Variants in SCN3A observed in about 807,000 individuals in gnomAD.
The protein encoded by SCN3A is sodium channel protein type 3 subunit alpha.
SCN3A carries 60 observed loss-of-function variants against 187.6 expected under a neutral mutation model. That is an observed-to-expected ratio of 0.32 (90% CI 0.26 to 0.40). The LOEUF is 0.40. SCN3A is among the 10% of genes least tolerant of loss of function. SCN3A has a pLI of 1.00. For synonymous variants in SCN3A, 788 were observed against 829.2 expected (o/e 0.95, Z 0.85); for missense variants, 1,601 against 2,428.2 (o/e 0.66, Z 7.16).
Position 165,176,395 on chromosome 2 carries a change from C to A in SCN3A, c.-1G>T. The A allele has an allele frequency of 6.2e-7, 1 of 1,614,050 alleles. No individual in the cohort carries two copies. The highest frequency in any genetic ancestry group is 1.1e-5 in the South Asian group (1 of 91,088). On this transcript the variant is annotated 5_prime_UTR_variant, in exon 3 of 28. Transcript: ENST00000283254. ...GGGGTACCAACAGTGCCTGTGCCATCTTTTCATCCTGCACATTTAATTACG... is the reference window on the plus strand; with the variant it reads ...GGGGTACCAACAGTGCCTGTGCCATATTTTCATCCTGCACATTTAATTACG...
intron 1 of SCN3A, among the ~76,000 whole-genome samples, chr2:165,190,491 A>C (rs1691521441): frequency 6.7e-6 from 1 of 148,280 alleles, no homozygotes; most frequent in Admixed American, 6.7e-5. Flanking sequence ...CTATTGCACA[A>C]AGATATATAT....
At chr2:165,099,921 A>G (rs1443260669) in intron 22 of SCN3A, among the ~76,000 whole-genome samples, 1 of 152,248 alleles carries the variant, frequency 6.6e-6, no homozygotes, top group Non-Finnish European at 1.5e-5. Flanking sequence ...ATTCATTGCC[A>G]GTAATTTTGA....
chr2:165,171,251 T>TG (rs1690085568), intron 3 of SCN3A, among the ~76,000 whole-genome samples: 1 of 152,034 alleles, frequency 6.6e-6, no homozygotes, highest in South Asian at 2.1e-4. Flanking sequence ...AGAGTCATCT[T>TG]TGCTATGGCC....
intron 9 of SCN3A, 106 bp downstream of exon 9, chr2:165,162,202 T>A (rs1689440450): frequency 9.7e-7 from 1 of 1,035,410 alleles, no homozygotes. Context: ...CTGCTCTTTA[T>A]TGCATACATG....
chr2:165,158,913 A>G (rs1180869700), intron 9 of SCN3A, among the ~76,000 whole-genome samples: 2 of 138,052 alleles, frequency 1.4e-5, no homozygotes, highest in Non-Finnish European at 3.0e-5. Flanking sequence ...ATTCACATGC[A>G]GGTTTTTTGT....
At chr2:165,098,008 G>A (rs573322438) in intron 22 of SCN3A, among the ~76,000 whole-genome samples, 2 of 152,228 alleles carry the variant, frequency 1.3e-5, no homozygotes, top group South Asian at 4.1e-4. Flanking sequence ...TGACTACGAA[G>A]AACAGGATTA....
intron 11 of SCN3A, among the ~76,000 whole-genome samples, chr2:165,152,760 C>T (rs1198242885): frequency 2.0e-5 from 3 of 151,938 alleles, no homozygotes; most frequent in African/African-American, 7.3e-5. Context: ...TTAATGATCG[C>T]CATTCTAACT....
rs1039543355 is a variant in SCN3A at position 165,100,431 on chromosome 2, A to G, written c.3844-7T>C. On this transcript the variant is annotated splice_polypyrimidine_tract_variant and splice_region_variant and intron_variant, in intron 21 of 27. Coordinates refer to ENST00000283254, the MANE Select transcript of SCN3A (RefSeq NM_006922.4). ...CCAGGCTAACCAAAGAAACCTACAA[A>G]AGGAAAAAAAAATTAATTAGTTCAC... 6.2e-7 allele frequency: 1 copy of G among 1,612,810 alleles called. No individual in the cohort carries two copies. Among genetic ancestry groups the G allele is most frequent in the African/African-American group, 1.3e-5 (1 of 74,888 alleles).
At chr2:165,143,993 CATT>C (rs1358178824) in intron 12 of SCN3A, among the ~76,000 whole-genome samples, 8 of 152,114 alleles carry the variant, frequency 5.3e-5, no homozygotes, top group East Asian at 3.9e-4. Context: ...GTACAACTAA[CATT>C]ATCTGTTTAA....
At position 165,100,391 on chromosome 2, in the gene SCN3A, C is replaced by A; in HGVS notation, c.3877G>T (p.Gly1293Cys). The change falls in exon 22 of 28, where the codon GGC becomes TGC. Residue 1293 changes from glycine (G) to cysteine (C), a missense_variant. Transcript: ENST00000283254. ...TTGATGGCACCGAGTTCTGAGTAGCCAAGAGCATTGGCTACCAGGCTAACC... is the reference window on the plus strand; with the variant it reads ...TTGATGGCACCGAGTTCTGAGTAGCAAAGAGCATTGGCTACCAGGCTAACC... Reference protein sequence around the residue: ...SLVSLVANALGYSELGAIKSL... With the variant: ...SLVSLVANALCYSELGAIKSL... 6.2e-7 allele frequency: 1 copy of A among 1,613,668 alleles called. No homozygotes were observed. The highest frequency in any genetic ancestry group is 1.1e-5 in the South Asian group (1 of 91,044).
intron 20 of SCN3A, 141 bp from the exon 21 acceptor site, chr2:165,113,199 C>T (rs1439991): frequency 2.9e-6 from 2 of 679,698 alleles, no homozygotes; most frequent in Non-Finnish European, 5.0e-6. Flanking sequence ...CAGACAAAAT[C>T]TAAAGACTAA....
rs1190023681 is a variant in SCN3A at position 165,090,772 on chromosome 2, T to C, written c.5381A>G (p.Tyr1794Cys). The change falls in exon 28 of 28, where the codon TAT becomes TGT. Residue 1794 changes from tyrosine (Y) to cysteine (C), a missense_variant. Transcript: ENST00000283254. The surrounding 1 kb of genome is among the most constrained non-coding windows in gnomAD (Gnocchi z 4.0). The stretch of plus-strand genomic sequence containing the variant: ...GGGATCAAACTTTTCCCAAACCTCA[T>C]AGAACATCTCAAAGTCATCCTCACT... ...PLSEDDFEMFYEVWEKFDPDA... is the reference protein window; with the variant it reads ...PLSEDDFEMFCEVWEKFDPDA... The C allele has an allele frequency of 6.2e-7, 1 of 1,613,938 alleles. No individual in the cohort carries two copies. The highest frequency in any genetic ancestry group is 8.5e-7 in the Non-Finnish European group (1 of 1,180,002).
chr2:165,188,591 C>T (rs974861864), intron 1 of SCN3A, among the ~76,000 whole-genome samples: 20 of 151,934 alleles, frequency 1.3e-4, no homozygotes, highest in African/African-American at 4.8e-4. Context: ...AGTTTGAGAC[C>T]AGCCTGACCA....
In SCN3A at chr2:165,154,635, T is replaced by A; in HGVS notation, c.1197A>T (p.Thr399=). ...YQLTLRAAGK[T]YMIFFVLVIF... ...TGACCAGGACAAAAAATATCATGTA[T>A]GTTTTCCCAGCAGCACGTAATGTCT... Residue 399 remains threonine, a synonymous_variant, in exon 11 of 28, where the codon ACA becomes ACT. Transcript: ENST00000283254. 1 of 1,614,106 alleles carries A rather than the reference T, an allele frequency of 6.2e-7. No individual in the cohort carries two copies. The highest frequency in any genetic ancestry group is 8.5e-7 in the Non-Finnish European group (1 of 1,179,956).
In SCN3A at chr2:165,100,335, A is replaced by G. The variant is rs138766015; in HGVS notation, c.3933T>C (p.Pro1311=). 369 of 1,613,920 alleles carry G rather than the reference A, an allele frequency of 2.3e-4. No homozygotes were observed. Among genetic ancestry groups the G allele is most frequent in the Admixed American group, 5.3e-4 (32 of 60,014 alleles). ...KSLRTLRALR[P]LRALSRFEGM... ...CTTCAAACCGGGATAAGGCTCTTAG[A>G]GGTCTTAAAGCTCTTAATGTCCGTA... is the stretch of plus-strand genomic sequence containing the variant. The change falls in exon 22 of 28, where the codon CCT becomes CCC. Residue 1311 remains proline, a synonymous_variant. Coordinates refer to ENST00000283254, the MANE Select transcript of SCN3A (RefSeq NM_006922.4).
At chr2:165,130,411 T>C (rs1687241805) in intron 16 of SCN3A, 115 bp from the exon 17 acceptor site, 1 of 1,052,868 alleles carries the variant, frequency 9.5e-7, no homozygotes, top group South Asian at 1.4e-5. Flanking sequence ...ACTCAAAATA[T>C]ACTGAACTGA....
At chr2:165,143,302 G>A (rs1688123634) in intron 12 of SCN3A, among the ~76,000 whole-genome samples, 1 of 152,082 alleles carries the variant, frequency 6.6e-6, no homozygotes, top group Non-Finnish European at 1.5e-5. Context: ...ATACACCTAT[G>A]TTCTGAAACT....
Position 165,166,961 on chromosome 2 carries a change from G to A in SCN3A, c.473+1775C>T, listed in dbSNP as rs1479025000. On this transcript the variant is annotated intron_variant, in intron 5 of 27. Coordinates refer to ENST00000283254, the MANE Select transcript of SCN3A (RefSeq NM_006922.4). ...GTCGTCCAGGCTGGAATGCAGTGGT[G>A]GGATCTTGGCTCACTGCAACCTCCA... 2.6e-5 allele frequency among the ~76,000 whole-genome samples: 4 copies of A among 151,182 alleles called. No individual in the cohort carries two copies. The South Asian group carries it at 8.3e-4, about 31-fold the overall frequency.
chr2:165,096,316 A>T, intron 24 of SCN3A, 151 bp downstream of exon 24: 1 of 635,794 alleles, frequency 1.6e-6, no homozygotes, highest in South Asian at 2.0e-5. Context: ...ACATTAATCA[A>T]GCATCATCTA....
Sources: gnomAD v4.1 joint callset for allele counts (sites outside exome capture counted in the v4.1 genomes callset) on GRCh38, gnomAD v4.1.1 for gene constraint, Gnocchi (gnomAD v3.1) non-coding constraint, MANE v1.5 for transcripts, NCBI Gene and HGNC (gene_info 2026-07-23, HGNC 2026-07-21) for gene names.